Variants in FAM135B observed in about 807,000 individuals in gnomAD.
FAM135B encodes family with sequence similarity 135 member B.
FAM135B carries 43 observed loss-of-function variants against 127.7 expected under a neutral mutation model. The observed-to-expected ratio is 0.34, with a 90% CI of 0.26 to 0.43. FAM135B has a LOEUF of 0.43. Among genes scored for constraint, FAM135B ranks in the 20% least tolerant of loss-of-function variants. FAM135B has a pLI of 1.00. For synonymous variants in FAM135B, 670 were observed against 665.1 expected, an observed-to-expected ratio of 1.01 and a Z score of -0.11; for missense variants, 1,558 against 1,725.6, an observed-to-expected ratio of 0.90 and a Z score of 1.72.
intron 2 of FAM135B, among the ~76,000 whole-genome samples, chr8:138,366,531 C>T (rs1385333592): frequency 6.6e-6 from 1 of 152,150 alleles, no homozygotes; most frequent in Non-Finnish European, 1.5e-5. Context: ...GAATGCTGCC[C>T]AAAACCCCTC....
intron 1 of FAM135B, among the ~76,000 whole-genome samples, chr8:138,452,125 T>TC (rs1836522673): frequency 8.6e-6 from 1 of 116,780 alleles, no homozygotes; most frequent in Non-Finnish European, 1.9e-5. Flanking sequence ...CCCAATCTGC[T>TC]TTTTTTTTTT....
intron 1 of FAM135B, among the ~76,000 whole-genome samples, chr8:138,490,207 G>A (rs1043870336): frequency 6.6e-6 from 1 of 152,170 alleles, no homozygotes; most frequent in African/African-American, 2.4e-5. Flanking sequence ...TCATATCAGA[G>A]TTAACCCTAG....
chr8:138,357,817 T>C (rs1830184982), intron 2 of FAM135B, among the ~76,000 whole-genome samples: 1 of 152,176 alleles, frequency 6.6e-6, no homozygotes, highest in African/African-American at 2.4e-5. Flanking sequence ...ACAGCTATCA[T>C]TTCTTTAGAA....
intron 3 of FAM135B, among the ~76,000 whole-genome samples, chr8:138,267,806 T>C (rs1050013449): frequency 6.6e-6 from 1 of 152,232 alleles, no homozygotes; most frequent in Non-Finnish European, 1.5e-5. Flanking sequence ...ATTTGCACTT[T>C]GTCATGAAGG....
At chr8:138,147,069 C>G (rs1486926867) in intron 14 of FAM135B, among the ~76,000 whole-genome samples, 2 of 152,090 alleles carry the variant, frequency 1.3e-5, no homozygotes, top group East Asian at 3.9e-4. Flanking sequence ...CCATACGCCC[C>G]CTATGTTGGT....
chr8:138,180,503 T>C (rs1814911627), intron 9 of FAM135B, among the ~76,000 whole-genome samples: 1 of 152,152 alleles, frequency 6.6e-6, no homozygotes, highest in Non-Finnish European at 1.5e-5. Context: ...AAATTACTGC[T>C]TTTGGGTGTA....
intron 3 of FAM135B, among the ~76,000 whole-genome samples, chr8:138,296,014 T>C (rs1301938953): frequency 1.3e-5 from 2 of 152,148 alleles, no homozygotes; most frequent in Non-Finnish European, 2.9e-5. Flanking sequence ...TTTCAAAAGT[T>C]TTATTTCAGA....
chr8:138,263,256 G>A (rs1183166366), intron 4 of FAM135B, among the ~76,000 whole-genome samples: 4 of 152,176 alleles, frequency 2.6e-5, no homozygotes, highest in Admixed American at 6.5e-5. Context: ...CCGTACCCGT[G>A]GCTATCAAAA....
At chr8:138,256,137 C>T (rs1327784462) in intron 5 of FAM135B, among the ~76,000 whole-genome samples, 2 of 83,202 alleles carry the variant, frequency 2.4e-5, no homozygotes, top group African/African-American at 7.8e-5. Flanking sequence ...GCTTAGTTGG[C>T]CTGACAGCTC....
intron 1 of FAM135B, among the ~76,000 whole-genome samples, chr8:138,410,425 C>T (rs1833795771): frequency 6.6e-6 from 1 of 152,196 alleles, no homozygotes; most frequent in African/African-American, 2.4e-5. Context: ...ATGTTGTAAA[C>T]TGCCTTATGG....
chr8:138,255,006 G>C (rs919660878), intron 5 of FAM135B, among the ~76,000 whole-genome samples: 6 of 148,330 alleles, frequency 4.0e-5, no homozygotes, highest in Non-Finnish European at 1.5e-5. Flanking sequence ...AGGGGAAGAA[G>C]TTCTGAGAAG....
At chr8:138,153,788 G>A (rs1289725667) in intron 12 of FAM135B, among the ~76,000 whole-genome samples, 1 of 152,180 alleles carries the variant, frequency 6.6e-6, no homozygotes, top group Non-Finnish European at 1.5e-5. Context: ...AAGTGGCCAG[G>A]AAGCTCAAAC....
chr8:138,147,684 T>C lies in FAM135B; in HGVS notation c.3448+836A>G, dbSNP rs193032242. Among the ~76,000 whole-genome samples, 7 of 152,316 alleles carry C rather than the reference T, an allele frequency of 4.6e-5. No individual in the cohort carries two copies. The East Asian group carries it at 1.4e-3, about 29-fold the overall frequency. On this transcript the variant is annotated intron_variant, in intron 14 of 19. Transcript: ENST00000395297. ...GTGGTTTTCATGACTTGTTGCCCAG[T>C]TGATAATGTGATCTATGGCTCCGTT...
intron 1 of FAM135B, among the ~76,000 whole-genome samples, chr8:138,421,397 G>A (rs143242027): frequency 6.8e-4 from 104 of 152,184 alleles, no homozygotes; most frequent in Non-Finnish European, 1.2e-3. Context: ...ATAAAATCCC[G>A]TAGTCTCTGT....
intron 1 of FAM135B, among the ~76,000 whole-genome samples, chr8:138,413,967 C>G (rs1039529235): frequency 6.7e-6 from 1 of 148,724 alleles, no homozygotes; most frequent in Non-Finnish European, 1.5e-5. Context: ...CCACCTCTAA[C>G]ATCAACCTTA....
chr8:138,315,819 G>T (rs79566782), intron 2 of FAM135B, among the ~76,000 whole-genome samples: 1 of 151,986 alleles, frequency 6.6e-6, no homozygotes, highest in African/African-American at 2.4e-5. Context: ...AGTCAAACAC[G>T]CAGAAAGAGA....
rs1554698832 is a variant in FAM135B at position 138,457,990 on chromosome 8, A to AAG, written c.-20+38679_-20+38680dup. Among the ~76,000 whole-genome samples, 143 of 149,748 alleles carry AAG rather than the reference A, an allele frequency of 9.5e-4. 6 individuals carry two copies. The highest frequency in any genetic ancestry group is 3.5e-3 in the Middle Eastern group (1 of 286). On this transcript the variant is annotated intron_variant, in intron 1 of 19. Transcript: ENST00000395297. ...ACTCCATCTCAAAAAAAAAAAAAAA[A>AAG]AGAGAGAGAAAAAAACTTAGCTGGA...
intron 1 of FAM135B, among the ~76,000 whole-genome samples, chr8:138,461,781 C>T (rs915816898): frequency 3.0e-4 from 46 of 152,298 alleles, no homozygotes; most frequent in Admixed American, 7.8e-4. Flanking sequence ...CCTTCCTCTA[C>T]AAGACATAGC....
chr8:138,200,081 G>A (rs1368650539), intron 7 of FAM135B, among the ~76,000 whole-genome samples: 1 of 152,216 alleles, frequency 6.6e-6, no homozygotes, highest in African/African-American at 2.4e-5. Context: ...TCTGAAGGTA[G>A]GGCTGGACAT....
Sources: allele counts gnomAD v4.1 joint callset (sites outside exome capture counted in the v4.1 genomes callset), GRCh38; gene constraint gnomAD v4.1.1; transcripts MANE v1.5; gene names NCBI Gene and HGNC (gene_info 2026-07-23, HGNC 2026-07-21).